Variants in ABHD2 observed in about 807,000 individuals in gnomAD.
ABHD2 encodes abhydrolase domain containing 2, acylglycerol lipase.
In ABHD2, 20 loss-of-function variants were observed where a neutral mutation model predicts 48.1. That is an observed-to-expected ratio of 0.42 (90% CI 0.29 to 0.60). ABHD2 has a LOEUF of 0.60. Ranked by LOEUF, ABHD2 falls within the 20% of genes least tolerant of loss-of-function variation. ABHD2 has a pLI of 0.24. For missense variants in ABHD2, 405 were observed against 550.9 expected, an observed-to-expected ratio of 0.74 and a Z score of 2.65; for synonymous variants, 209 against 214.2, an observed-to-expected ratio of 0.98 and a Z score of 0.21.
Position 89,185,776 on chromosome 15 carries a change from C to A in ABHD2, c.815+260C>A, listed in dbSNP as rs1236705261. ...TTGAGGCCAGGAATTTGAGACCAGCCTGGCCAACATGGCGAAACCCCATCT... is the reference window on the plus strand; with the variant it reads ...TTGAGGCCAGGAATTTGAGACCAGCATGGCCAACATGGCGAAACCCCATCT... On this transcript the variant is annotated intron_variant, in intron 7 of 10. Coordinates refer to ENST00000352732, the MANE Select transcript of ABHD2 (RefSeq NM_152924.5). The surrounding 1 kb of genome is among the most constrained non-coding windows in gnomAD (Gnocchi z 5.9). 6.6e-6 allele frequency among the ~76,000 whole-genome samples: 1 copy of A among 152,206 alleles called. No homozygotes were observed. The highest frequency in any genetic ancestry group is 1.5e-5 in the Non-Finnish European group (1 of 68,032).
In ABHD2 at chr15:89,090,862, C is replaced by G. The variant is rs371458252; in HGVS notation, c.-107+2299C>G. ...ATTTTATGAGCCACTGTATTAAGTGCTTTTCGGAAGTTCAGGGATCATGTG... is the reference window on the plus strand; with the variant it reads ...ATTTTATGAGCCACTGTATTAAGTGGTTTTCGGAAGTTCAGGGATCATGTG... On this transcript the variant is annotated intron_variant, in intron 1 of 10. Coordinates refer to ENST00000352732, the MANE Select transcript of ABHD2 (RefSeq NM_152924.5). Among the ~76,000 whole-genome samples the G allele has an allele frequency of 3.9e-5, 6 of 152,278 alleles. No homozygotes were observed. In the East Asian group the frequency reaches 9.6e-4, roughly 24 times the overall value.
chr15:89,126,734 G>A (rs1041508626), intron 3 of ABHD2, among the ~76,000 whole-genome samples: 16 of 152,236 alleles, frequency 1.1e-4, no homozygotes, highest in Admixed American at 1.0e-3. Flanking sequence ...GTGATGTGGA[G>A]AGTGAAGAGC....
intron 1 of ABHD2, among the ~76,000 whole-genome samples, chr15:89,098,335 T>C (rs926662667): frequency 6.6e-6 from 1 of 152,158 alleles, no homozygotes; most frequent in African/African-American, 2.4e-5. Context: ...GAAATGTTCT[T>C]TTTTCTCATT....
chr15:89,057,981 A>G, the ABHD2 span, among the ~76,000 whole-genome samples: 1 of 152,114 alleles, frequency 6.6e-6, no homozygotes, highest in Non-Finnish European at 1.5e-5. Flanking sequence ...CCACTTACAA[A>G]TTAAGCCCAC....
intron 3 of ABHD2, among the ~76,000 whole-genome samples, chr15:89,133,238 C>T (rs2050247922): frequency 6.6e-6 from 1 of 151,818 alleles, no homozygotes; most frequent in Admixed American, 6.6e-5. Context: ...GAGCTTCCTC[C>T]ATTTATGTCT....
In ABHD2 at chr15:89,166,434, G is replaced by A. The variant is rs2050839489; in HGVS notation, c.539-9378G>A. Among the ~76,000 whole-genome samples, 1 of 152,162 alleles carries A rather than the reference G, an allele frequency of 6.6e-6. No individual in the cohort carries two copies. Among genetic ancestry groups the A allele is most frequent in the East Asian group, 1.9e-4 (1 of 5,200 alleles). ...TGAAATCACAGCATTGAATTCTCTT[G>A]CTGGGAGGAGGAAATCTTTAATGTC... On this transcript the variant is annotated intron_variant, in intron 5 of 10. Transcript: ENST00000352732. The surrounding 1 kb of genome is among the most constrained non-coding windows in gnomAD (Gnocchi z 4.6).
chr15:89,074,788 C>T, the ABHD2 span, among the ~76,000 whole-genome samples: 3 of 152,270 alleles, frequency 2.0e-5, no homozygotes, highest in Non-Finnish European at 4.4e-5. Context: ...CTCTCACCAG[C>T]GTCTCAAGTC....
At chr15:89,180,916 G>A (rs1486389371) in intron 6 of ABHD2, among the ~76,000 whole-genome samples, 1 of 152,084 alleles carries the variant, frequency 6.6e-6, no homozygotes, top group Non-Finnish European at 1.5e-5. Flanking sequence ...TATATAACAC[G>A]ACAGAATGTA....
intron 10 of ABHD2, among the ~76,000 whole-genome samples, chr15:89,193,780 T>C (rs559522836): frequency 3.7e-4 from 56 of 151,962 alleles, no homozygotes; most frequent in Non-Finnish European, 7.5e-4. Flanking sequence ...TAAGACCCTA[T>C]CTCTACAAAA....
At chr15:89,044,530 A>C in the ABHD2 span, among the ~76,000 whole-genome samples, 2 of 151,840 alleles carry the variant, frequency 1.3e-5, no homozygotes, top group Admixed American at 6.6e-5. Flanking sequence ...ACAGTGTAAA[A>C]GTGTTCCTAT....
At chr15:89,056,698 A>T in the ABHD2 span, among the ~76,000 whole-genome samples, 1 of 152,252 alleles carries the variant, frequency 6.6e-6, no homozygotes, top group South Asian at 2.1e-4. Flanking sequence ...AAGATAGAAC[A>T]GTGCAATGAA....
the ABHD2 span, among the ~76,000 whole-genome samples, chr15:89,062,866 T>C: frequency 6.6e-6 from 1 of 152,220 alleles, no homozygotes; most frequent in South Asian, 2.1e-4. Flanking sequence ...CGGTGCTTAC[T>C]GAATGCATTA....
At chr15:89,130,409 C>T (rs1051811014) in intron 3 of ABHD2, among the ~76,000 whole-genome samples, 4 of 152,188 alleles carry the variant, frequency 2.6e-5, no homozygotes, top group Admixed American at 6.5e-5. Flanking sequence ...AGGCTGCTAC[C>T]GGAAATGGCA....
rs2050589711 is a variant in ABHD2 at position 89,151,456 on chromosome 15, C to A, written c.195-221C>A. 6.6e-6 allele frequency among the ~76,000 whole-genome samples: 1 copy of A among 152,072 alleles called. No homozygotes were observed. On this transcript the variant is annotated intron_variant, in intron 3 of 10. Transcript: ENST00000352732. This position sits in a 1 kb window ranked among gnomAD's most constrained non-coding sequence, Gnocchi z 4.7. ...ATTGAAATCCTCTTTATATATATGT[C>A]CTGGTTGATTTCTAAAGCTAATCTG...
In ABHD2 at chr15:89,184,099, G is replaced by A. The variant is rs527901022; in HGVS notation, c.723-1325G>A. On this transcript the variant is annotated intron_variant, in intron 6 of 10. Coordinates refer to ENST00000352732, the MANE Select transcript of ABHD2 (RefSeq NM_152924.5). This position sits in a 1 kb window ranked among gnomAD's most constrained non-coding sequence, Gnocchi z 5.1. ...CTTTTGACCCTTCAGGGTGGTGGTA[G>A]TCTTCACCTTGAGCTTAGCCTGTGT... Among the ~76,000 whole-genome samples, 7 of 152,272 alleles carry A rather than the reference G, an allele frequency of 4.6e-5. No individual in the cohort carries two copies. The highest frequency in any genetic ancestry group is 1.7e-4 in the African/African-American group (7 of 41,546).
At chr15:89,089,730 T>G (rs929070294) in intron 1 of ABHD2, among the ~76,000 whole-genome samples, 49 of 148,050 alleles carry the variant, frequency 3.3e-4, no homozygotes, top group African/African-American at 1.2e-3. Context: ...AGAGAAATCC[T>G]TCACTACCCT....
At chr15:89,044,748 G>A in the ABHD2 span, among the ~76,000 whole-genome samples, 1 of 152,082 alleles carries the variant, frequency 6.6e-6, no homozygotes, top group African/African-American at 2.4e-5. Context: ...TTTTGATGGG[G>A]TTGTTTGTTT....
chr15:89,169,670 C>G (rs1028790260), intron 5 of ABHD2, among the ~76,000 whole-genome samples: 1 of 152,184 alleles, frequency 6.6e-6, no homozygotes, highest in African/African-American at 2.4e-5. Context: ...ATAATGTCCC[C>G]AGCACAAACC....
the ABHD2 span, among the ~76,000 whole-genome samples, chr15:89,059,116 A>G: frequency 6.6e-6 from 1 of 152,004 alleles, no homozygotes; most frequent in African/African-American, 2.4e-5. Flanking sequence ...CCAAATGGAA[A>G]TTTTCTCTCC....
Sources: allele counts gnomAD v4.1 joint callset (sites outside exome capture counted in the v4.1 genomes callset), GRCh38; gene constraint gnomAD v4.1.1; non-coding constraint Gnocchi (gnomAD v3.1); transcripts MANE v1.5; gene names NCBI Gene and HGNC (gene_info 2026-07-23, HGNC 2026-07-21).